ST8SIA5: variants seen among roughly 807,000 people sequenced by gnomAD.
The protein encoded by ST8SIA5 is ST8 alpha-N-acetyl-neuraminide alpha-2,8-sialyltransferase 5.
A neutral mutation model predicts 40.2 loss-of-function variants in ST8SIA5; 24 were observed. That is an observed-to-expected ratio of 0.60 (90% CI 0.43 to 0.84). ST8SIA5 has a LOEUF of 0.84. ST8SIA5 is among the 40% of genes least tolerant of loss of function. ST8SIA5 has a pLI of 0.00. For synonymous variants in ST8SIA5, 198 were observed against 201.8 expected, an observed-to-expected ratio of 0.98 and a Z score of 0.16; for missense variants, 465 against 498.5, an observed-to-expected ratio of 0.93 and a Z score of 0.64.
chr18:46,697,875 C>T (rs963991889), intron 2 of ST8SIA5, among the ~76,000 whole-genome samples: 1 of 152,054 alleles, frequency 6.6e-6, no homozygotes, highest in Non-Finnish European at 1.5e-5. Context: ...CATTTCAGAA[C>T]TGTAAAGATT....
At chr18:46,742,369 G>A (rs963608522) in intron 1 of ST8SIA5, among the ~76,000 whole-genome samples, 1 of 151,592 alleles carries the variant, frequency 6.6e-6, no homozygotes, top group African/African-American at 2.4e-5. Flanking sequence ...AAATTTTTGT[G>A]ATGTTGGATT....
At chr18:46,691,794 A>T (rs937884816) in intron 3 of ST8SIA5, 1 of 215,342 alleles carries the variant, frequency 4.6e-6, no homozygotes, top group African/African-American at 2.3e-5. Context: ...AGGACAGGGG[A>T]GGTGAGGACC....
intron 1 of ST8SIA5, among the ~76,000 whole-genome samples, chr18:46,720,038 C>T (rs924679103): frequency 7.2e-5 from 11 of 152,032 alleles, no homozygotes; most frequent in Non-Finnish European, 1.3e-4. Context: ...GGGGTTTCAC[C>T]ATGTTGGCCG....
intron 1 of ST8SIA5, among the ~76,000 whole-genome samples, chr18:46,744,290 A>G (rs2040117088): frequency 6.6e-6 from 1 of 152,202 alleles, no homozygotes; most frequent in African/African-American, 2.4e-5. Flanking sequence ...AAGAGTCAAG[A>G]CCCATCAGTG....
At chr18:46,731,819 T>C (rs988627670) in intron 1 of ST8SIA5, 3 of 152,202 alleles carry the variant, frequency 2.0e-5, no homozygotes, top group African/African-American at 7.2e-5. Flanking sequence ...ATGCTCTTCT[T>C]GGACCTTTTA....
intron 1 of ST8SIA5, among the ~76,000 whole-genome samples, chr18:46,710,409 T>TTCTCTC (rs139196666): frequency 9.1e-5 from 11 of 120,636 alleles, no homozygotes; most frequent in East Asian, 6.3e-4. Context: ...CTTTCTTTCT[T>TTCTCTC]TCTTTCTTTT....
intron 1 of ST8SIA5, among the ~76,000 whole-genome samples, chr18:46,725,973 ATATATATATATATATATATATATATATAT>A (rs1475191853): frequency 4.0e-5 from 1 of 25,082 alleles, no homozygotes; most frequent in Admixed American, 4.5e-4. Flanking sequence ...AAAAAAAAAA[ATATATATATATATATATATATATATATAT>A]ATATATATCC....
At chr18:46,734,859 G>C (rs1275652349) in intron 1 of ST8SIA5, among the ~76,000 whole-genome samples, 2 of 152,196 alleles carry the variant, frequency 1.3e-5, no homozygotes, top group Non-Finnish European at 2.9e-5. Flanking sequence ...ATCCATCTTG[G>C]TAAATGTGAT....
At chr18:46,713,526 G>C (rs899162113) in intron 1 of ST8SIA5, among the ~76,000 whole-genome samples, 1 of 152,160 alleles carries the variant, frequency 6.6e-6, no homozygotes, top group African/African-American at 2.4e-5. Context: ...CTGGGAGAGA[G>C]TGCAGAGAGA....
chr18:46,738,413 G>T (rs1313183700), intron 1 of ST8SIA5, among the ~76,000 whole-genome samples: 2 of 152,122 alleles, frequency 1.3e-5, no homozygotes, highest in Non-Finnish European at 2.9e-5. Flanking sequence ...CAGGATTAGA[G>T]GAAGGCCAGC....
In ST8SIA5 at chr18:46,671,228, T is replaced by C. The variant is rs2039307271; in HGVS notation, c.*8814A>G. 6.6e-6 allele frequency: 1 copy of C among 152,178 alleles called. No homozygotes were observed. Among genetic ancestry groups the C allele is most frequent in the African/African-American group, 2.4e-5 (1 of 41,434 alleles). 9.4% of individuals were successfully genotyped at this position (152,178 alleles called of 1,614,324 possible). ...TTCTGAGCTCTCATGGGGGTTGAAGTTGCCCACGTTGTGGGGGCATCTTTG... is the reference window on the plus strand; with the variant it reads ...TTCTGAGCTCTCATGGGGGTTGAAGCTGCCCACGTTGTGGGGGCATCTTTG... On this transcript the variant is annotated 3_prime_UTR_variant, in exon 7 of 7. Coordinates refer to ENST00000315087, the MANE Select transcript of ST8SIA5 (RefSeq NM_013305.6).
Position 46,673,568 on chromosome 18 carries a change from T to C in ST8SIA5, c.*6474A>G, listed in dbSNP as rs2039321716. On this transcript the variant is annotated 3_prime_UTR_variant, in exon 7 of 7. Transcript: ENST00000315087. ...ACCTCTCCCCCAGGTTCTCAGTCCA[T>C]AGTTTTAACAAGCACCCAGGTGATT... The C allele has an allele frequency of 6.6e-6, 1 of 152,060 alleles. No homozygotes were observed. The highest frequency in any genetic ancestry group is 1.5e-5 in the Non-Finnish European group (1 of 68,016). 9.4% of individuals were successfully genotyped at this position (152,060 alleles called of 1,614,324 possible).
chr18:46,716,205 A>G (rs2039790077), intron 1 of ST8SIA5, among the ~76,000 whole-genome samples: 1 of 152,158 alleles, frequency 6.6e-6, no homozygotes, highest in African/African-American at 2.4e-5. Context: ...TTCCTCATCT[A>G]TAAAATGGAG....
chr18:46,746,044 C>G (rs932348269), intron 1 of ST8SIA5, among the ~76,000 whole-genome samples: 20 of 152,114 alleles, frequency 1.3e-4, no homozygotes, highest in Admixed American at 5.9e-4. Context: ...TCTCAATAAA[C>G]TAGGTGTTGA....
chr18:46,754,739 T>A (rs1361047672), intron 1 of ST8SIA5, among the ~76,000 whole-genome samples: 1 of 152,188 alleles, frequency 6.6e-6, no homozygotes, highest in East Asian at 1.9e-4. Context: ...TTGGTTGGCG[T>A]TTGCCATGGG....
At chr18:46,747,927 T>C (rs2040156620) in intron 1 of ST8SIA5, among the ~76,000 whole-genome samples, 2 of 152,186 alleles carry the variant, frequency 1.3e-5, no homozygotes, top group Admixed American at 1.3e-4. Context: ...TGCAGGGACG[T>C]GGATGAAGCT....
chr18:46,719,960 T>C (rs1484409370), intron 1 of ST8SIA5, among the ~76,000 whole-genome samples: 1 of 151,846 alleles, frequency 6.6e-6, no homozygotes, highest in Non-Finnish European at 1.5e-5. Context: ...CGTCTCAGCC[T>C]CCTGAGTAGC....
chr18:46,742,270 A>G (rs1039395325), intron 1 of ST8SIA5, among the ~76,000 whole-genome samples: 4 of 152,140 alleles, frequency 2.6e-5, no homozygotes, highest in Admixed American at 1.3e-4. Context: ...AGGATTAATC[A>G]TACCATATAC....
rs1472138278 is a variant in ST8SIA5, at chr18:46,668,525, T to G, written c.*11517A>C. On this transcript the variant is annotated 3_prime_UTR_variant, in exon 7 of 7. Coordinates refer to ENST00000315087, the MANE Select transcript of ST8SIA5 (RefSeq NM_013305.6). ...TCCTGGCTTTACTTGGGGAGGGAAG[T>G]GGCGGGGGATTGGTTCCAAACTGTA... 6.6e-6 allele frequency: 1 copy of G among 152,640 alleles called. No homozygotes were observed. Among genetic ancestry groups the G allele is most frequent in the Non-Finnish European group, 1.5e-5 (1 of 68,152 alleles). The allele number at this position is 152,640 out of a possible 1,614,324, so 9.5% of individuals were successfully genotyped here.
Sources: allele counts gnomAD v4.1 joint callset (sites outside exome capture counted in the v4.1 genomes callset), GRCh38; gene constraint gnomAD v4.1.1; transcripts MANE v1.5; gene names NCBI Gene and HGNC (gene_info 2026-07-23, HGNC 2026-07-21).